The following SIPA1L2 variants were observed in gnomAD, a reference collection of about 807,000 sequenced individuals.
The protein encoded by SIPA1L2 is signal-induced proliferation-associated 1-like protein 2.
SIPA1L2 carries 56 observed loss-of-function variants against 163.9 expected under a neutral mutation model. That is an observed-to-expected ratio of 0.34 (90% CI 0.28 to 0.43). The LOEUF (loss-of-function observed/expected upper bound fraction) is 0.43. Among genes scored for constraint, SIPA1L2 ranks in the 20% least tolerant of loss-of-function variants. The pLI is 1.00. For synonymous variants in SIPA1L2, 877 were observed against 865.7 expected (o/e 1.01, Z -0.23); for missense variants, 1,974 against 2,193.5 (o/e 0.90, Z 2.00).
chr1:232,579,322 GTGTT>G (rs1660244226), intron 1 of SIPA1L2, among the ~76,000 whole-genome samples: 1 of 152,190 alleles, frequency 6.6e-6, no homozygotes, highest in African/African-American at 2.4e-5. Flanking sequence ...GTTTTTGTTT[GTGTT>G]TGTTTTGCAG....
rs756539708 is a variant in SIPA1L2 at position 232,415,553 on chromosome 1, G to T, written c.4703C>A (p.Pro1568Gln). Residue 1568 changes from proline (P) to glutamine (Q), a missense_variant, in exon 19 of 23, where the codon CCG becomes CAG. Around this residue, in one of 3 missense-constraint regions of SIPA1L2, gnomAD observed 1,079 missense variants for 1,150.7 expected, o/e 0.94. Coordinates refer to ENST00000674635, the MANE Select transcript of SIPA1L2 (RefSeq NM_020808.5). ...KCADPGLMPL[P>Q]DTATGLDWTH... Reference sequence around the variant, plus strand: ...CCAATCTAACCCTGTGGCTGTGTCCGGGAGGGGCATCAGGCCAGGATCTGC... The same window carrying T: ...CCAATCTAACCCTGTGGCTGTGTCCTGGAGGGGCATCAGGCCAGGATCTGC... 1 of 1,613,708 alleles carries T rather than the reference G, an allele frequency of 6.2e-7. No individual in the cohort carries two copies. Among genetic ancestry groups the T allele is most frequent in the African/African-American group, 1.3e-5 (1 of 74,918 alleles).
At chr1:232,628,698 A>G (rs576221594) in intron 1 of SIPA1L2, among the ~76,000 whole-genome samples, 3 of 152,302 alleles carry the variant, frequency 2.0e-5, no homozygotes, top group African/African-American at 4.8e-5. Flanking sequence ...TTTTTCTTCA[A>G]TTACTAATTG....
At chr1:232,593,386 A>G (rs1005331392) in intron 1 of SIPA1L2, among the ~76,000 whole-genome samples, 2 of 152,146 alleles carry the variant, frequency 1.3e-5, no homozygotes, top group Non-Finnish European at 2.9e-5. Flanking sequence ...GTGTGCTTTC[A>G]GCTTCTGCAC....
intron 1 of SIPA1L2, among the ~76,000 whole-genome samples, chr1:232,574,516 A>G (rs935306975): frequency 5.9e-5 from 9 of 152,228 alleles, no homozygotes; most frequent in Admixed American, 1.3e-4. Context: ...ATAAAGCAAT[A>G]TAATTCTGCT....
intron 1 of SIPA1L2, among the ~76,000 whole-genome samples, chr1:232,602,018 C>T (rs1661620669): frequency 6.6e-6 from 1 of 152,068 alleles, no homozygotes; most frequent in African/African-American, 2.4e-5. Context: ...CTTTGAAGAC[C>T]ATGCCCTTGA....
chr1:232,450,340 T>C (rs1663498226), intron 10 of SIPA1L2, among the ~76,000 whole-genome samples: 1 of 152,250 alleles, frequency 6.6e-6, no homozygotes, highest in Admixed American at 6.5e-5. Flanking sequence ...CCAAGTGTTT[T>C]CTGTTTATTA....
chr1:232,443,783 T>G (rs1327414867), intron 11 of SIPA1L2, 98 bp from the exon 12 acceptor site: 15 of 915,576 alleles, frequency 1.6e-5, no homozygotes, highest in Non-Finnish European at 2.3e-5. Context: ...ACTTTGAGAA[T>G]GACAAAGAAA....
chr1:232,434,554 C>A (rs1031963797), intron 15 of SIPA1L2, among the ~76,000 whole-genome samples: 1 of 152,080 alleles, frequency 6.6e-6, no homozygotes, highest in East Asian at 1.9e-4. Context: ...AGTAAAGCAA[C>A]ATGACCAAGG....
intron 2 of SIPA1L2, among the ~76,000 whole-genome samples, chr1:232,566,952 T>C (rs1659439072): frequency 6.6e-6 from 1 of 152,232 alleles, no homozygotes. Flanking sequence ...TAGAAGATAA[T>C]ATAATTGTAC....
intron 2 of SIPA1L2, among the ~76,000 whole-genome samples, chr1:232,539,767 T>G (rs1657531746): frequency 6.6e-6 from 1 of 152,104 alleles, no homozygotes; most frequent in African/African-American, 2.4e-5. Flanking sequence ...CTACCACGAG[T>G]CTGACGACAG....
intron 1 of SIPA1L2, among the ~76,000 whole-genome samples, chr1:232,613,049 C>T (rs1043711594): frequency 3.3e-5 from 5 of 152,116 alleles, no homozygotes; most frequent in East Asian, 1.9e-4. Context: ...CAAGTGTTTC[C>T]GCTTTTACAT....
At chr1:232,578,602 T>C (rs950642465) in intron 1 of SIPA1L2, among the ~76,000 whole-genome samples, 16 of 152,322 alleles carry the variant, frequency 1.1e-4, no homozygotes, top group East Asian at 5.8e-4. Flanking sequence ...TCTTTTAAAG[T>C]CCTGTTAATG....
At chr1:232,624,365 T>C (rs1662967670) in intron 1 of SIPA1L2, among the ~76,000 whole-genome samples, 1 of 152,236 alleles carries the variant, frequency 6.6e-6, no homozygotes, top group Admixed American at 6.5e-5. Flanking sequence ...AAGCTATTCC[T>C]GAACAATGTG....
chr1:232,529,342 C>T (rs1273901278), intron 2 of SIPA1L2, among the ~76,000 whole-genome samples: 1 of 152,210 alleles, frequency 6.6e-6, no homozygotes, highest in Non-Finnish European at 1.5e-5. Flanking sequence ...TAAAACTTGA[C>T]CTTCAAAATA....
At chr1:232,460,817 G>GCACTGAGGACAGC in intron 10 of SIPA1L2, 70 bp downstream of exon 10, 1 of 1,548,744 alleles carries the variant, frequency 6.5e-7, no homozygotes, top group Non-Finnish European at 8.7e-7. Flanking sequence ...CCTTGCAGGA[G>GCACTGAGGACAGC]CACTGAGGAC....
At chr1:232,451,282 G>A (rs1663557945) in intron 10 of SIPA1L2, among the ~76,000 whole-genome samples, 1 of 152,138 alleles carries the variant, frequency 6.6e-6, no homozygotes, top group Admixed American at 6.5e-5. Flanking sequence ...TGACAAATGA[G>A]CCTGGAGAAG....
At chr1:232,442,219 T>C (rs1662944468) in intron 12 of SIPA1L2, among the ~76,000 whole-genome samples, 1 of 151,158 alleles carries the variant, frequency 6.6e-6, no homozygotes, top group African/African-American at 2.4e-5. Context: ...TTAGAATACA[T>C]GGCACTGACA....
intron 22 of SIPA1L2, among the ~76,000 whole-genome samples, chr1:232,400,013 C>T (rs1660240034): frequency 6.6e-6 from 1 of 152,128 alleles, no homozygotes; most frequent in South Asian, 2.1e-4. Flanking sequence ...GTGGACGCCC[C>T]CACCCTTGGC....
chr1:232,453,851 T>A (rs549328218), intron 10 of SIPA1L2, among the ~76,000 whole-genome samples: 38 of 152,020 alleles, frequency 2.5e-4, no homozygotes, highest in African/African-American at 8.4e-4. Flanking sequence ...CAAAAGCCGA[T>A]CCTCTAAAAC....
Sources: allele counts gnomAD v4.1 joint callset (sites outside exome capture counted in the v4.1 genomes callset), GRCh38; gene constraint gnomAD v4.1.1; regional missense constraint gnomAD v4.1.1; transcripts MANE v1.5; gene names NCBI Gene and HGNC (gene_info 2026-07-23, HGNC 2026-07-21).